Variants in ITIH5 observed in about 807,000 individuals in gnomAD.
ITIH5 encodes the protein inter-alpha-trypsin inhibitor heavy chain 5.
ITIH5 carries 65 observed loss-of-function variants against 77.5 expected under a neutral mutation model. The observed-to-expected ratio is 0.84, with a 90% CI of 0.69 to 1.03. The LOEUF (loss-of-function observed/expected upper bound fraction) is 1.03. ITIH5 is among the 50% of genes least tolerant of loss of function. The pLI, the probability that ITIH5 is intolerant of heterozygous loss-of-function variation, is 0.00. For synonymous variants in ITIH5, 525 were observed against 494.3 expected (o/e 1.06, Z -0.82); for missense variants, 1,208 against 1,213.1 (o/e 1.00, Z 0.06).
At chr10:7,644,545 T>TCAC (rs1249505169) in intron 2 of ITIH5, among the ~76,000 whole-genome samples, 1,934 of 119,136 alleles carry the variant, frequency 0.016, 44 homozygotes, top group South Asian at 0.024. Context: ...ATCACATATA[T>TCAC]ATGATATATC....
rs112449584 is a variant in ITIH5, at chr10:7,629,278, C to T, written c.652+7950G>A. On this transcript the variant is annotated intron_variant, in intron 5 of 13. Transcript: ENST00000397146. ...GTTGTAGCGTGTGTCCATGTTGTAGCGTGTGTCCCTGTTGTAGCGTGTGTC... is the reference window on the plus strand; with the variant it reads ...GTTGTAGCGTGTGTCCATGTTGTAGTGTGTGTCCCTGTTGTAGCGTGTGTC... Among the ~76,000 whole-genome samples, 10 of 102,218 alleles carry T rather than the reference C, an allele frequency of 9.8e-5. No individual in the cohort carries two copies. The East Asian group carries it at 3.1e-3, about 31-fold the overall frequency. 67.1% of individuals were successfully genotyped at this position (102,218 alleles called of 152,430 possible).
Position 7,600,791 on chromosome 10 carries a change from T to C in ITIH5, c.940-14722A>G, listed in dbSNP as rs556393036. Among the ~76,000 whole-genome samples, 37 of 152,258 alleles carry C rather than the reference T, an allele frequency of 2.4e-4. No homozygotes were observed. In the South Asian group the frequency reaches 7.3e-3, roughly 30 times the overall value. On this transcript the variant is annotated intron_variant, in intron 7 of 13. Coordinates refer to ENST00000397146, the MANE Select transcript of ITIH5 (RefSeq NM_030569.7). ...GAAATTAGAGCCCTCATGGTTGGGA[T>C]CAGTGCCCTTATGAAAGACCCCAGT... is the stretch of plus-strand genomic sequence containing the variant.
At position 7,655,372 on chromosome 10, in the gene ITIH5, CT is replaced by C. The variant is rs943531986; in HGVS notation, c.135+258del. On this transcript the variant is annotated intron_variant, in intron 2 of 13. Transcript: ENST00000397146. The stretch of plus-strand genomic sequence containing the variant: ...AAAATAAATAAAAGTTATATTTAGG[CT>C]TTAAAAAAAATAAACCTGCAAAGAC... 1.1e-4 allele frequency among the ~76,000 whole-genome samples: 17 copies of C among 151,896 alleles called. 1 individual carries two copies. Among genetic ancestry groups the C allele is most frequent in the Admixed American group, 5.2e-4 (8 of 15,268 alleles).
chr10:7,626,764 G>A lies in ITIH5; in HGVS notation c.653-9482C>T, dbSNP rs566858314. Reference sequence around the variant, plus strand: ...ACATATCGTTTCTCTGAATTCAAATGAAACTGGGCATCTTATATCTCATCT... The same window carrying A: ...ACATATCGTTTCTCTGAATTCAAATAAAACTGGGCATCTTATATCTCATCT... On this transcript the variant is annotated intron_variant, in intron 5 of 13. Coordinates refer to ENST00000397146, the MANE Select transcript of ITIH5 (RefSeq NM_030569.7). Among the ~76,000 whole-genome samples the A allele has an allele frequency of 5.9e-5, 9 of 152,336 alleles. No homozygotes were observed. In the East Asian group the frequency reaches 1.5e-3, roughly 26 times the overall value.
intron 8 of ITIH5, among the ~76,000 whole-genome samples, chr10:7,583,200 C>T (rs1832603184): frequency 6.6e-6 from 1 of 152,208 alleles, no homozygotes; most frequent in Admixed American, 6.5e-5. Context: ...GCTTAACATC[C>T]TCCAGATTTT....
Position 7,637,334 on chromosome 10 carries a change from G to A in ITIH5, c.546C>T (p.Ser182=), listed in dbSNP as rs762512341. ...HSISVRPQQL[S]GRLSVDVNIL... ...TATTCACGTCCACGCTCAGCCTCCCGGACAGCTGCTGGGGCCGCACGCTGA... is the reference window on the plus strand; with the variant it reads ...TATTCACGTCCACGCTCAGCCTCCCAGACAGCTGCTGGGGCCGCACGCTGA... The change falls in exon 5 of 14, where the codon TCC becomes TCT. Residue 182 remains serine, a synonymous_variant. Coordinates refer to ENST00000397146, the MANE Select transcript of ITIH5 (RefSeq NM_030569.7). 1.5e-5 allele frequency: 25 copies of A among 1,613,964 alleles called. No homozygotes were observed. Among genetic ancestry groups the A allele is most frequent in the East Asian group, 1.3e-4 (6 of 44,890 alleles).
Position 7,640,799 on chromosome 10 carries a change from C to G in ITIH5, c.356G>C (p.Gly119Ala). The change falls in exon 4 of 14, where the codon GGT (glycine) becomes GCT (alanine). Residue 119 changes from glycine to alanine, a missense_variant. Transcript: ENST00000397146. ...GEITEREKKS[G>A]DRVKEKRNKT... ...ATTCCTTTTCTCTTTTACCCTATCA[C>G]CACTCTTCTTTTCTCTCTCTGTAAT... The G allele has an allele frequency of 6.2e-7, 1 of 1,613,336 alleles. No individual in the cohort carries two copies. Among genetic ancestry groups the G allele is most frequent in the Non-Finnish European group, 8.5e-7 (1 of 1,179,300 alleles).
At chr10:7,575,161 C>T (rs749525967) in intron 10 of ITIH5, among the ~76,000 whole-genome samples, 2 of 152,196 alleles carry the variant, frequency 1.3e-5, no homozygotes, top group Admixed American at 6.5e-5. Flanking sequence ...CCACGGAAGG[C>T]GTGTCTGACA....
At chr10:7,628,699 C>CAGCGTGTGTCCATGTTGT (rs1319236530) in intron 5 of ITIH5, among the ~76,000 whole-genome samples, 1 of 101,810 alleles carries the variant, frequency 9.8e-6, no homozygotes, top group African/African-American at 3.9e-5. Flanking sequence ...GTCCATGTTG[C>CAGCGTGTGTCCATGTTGT]AGCGTGTGTC....
intron 1 of ITIH5, among the ~76,000 whole-genome samples, chr10:7,656,363 A>C (rs956217855): frequency 6.6e-6 from 1 of 152,086 alleles, no homozygotes; most frequent in African/African-American, 2.4e-5. Context: ...TACAGGCATG[A>C]GCCGCCAGAT....
chr10:7,593,921 G>A (rs1346683648), intron 7 of ITIH5, among the ~76,000 whole-genome samples: 1 of 152,238 alleles, frequency 6.6e-6, no homozygotes, highest in African/African-American at 2.4e-5. Context: ...ACCTCCAATG[G>A]GCTGAGCAGC....
chr10:7,642,190 G>A, intron 2 of ITIH5, 100 bp from the exon 3 acceptor site: 1 of 931,818 alleles, frequency 1.1e-6, no homozygotes, highest in South Asian at 1.9e-5. Flanking sequence ...ATAATCTTCA[G>A]TTTGGGAGCC....
chr10:7,602,998 A>T (rs1027802575), intron 7 of ITIH5, among the ~76,000 whole-genome samples: 2 of 152,208 alleles, frequency 1.3e-5, no homozygotes, highest in East Asian at 3.9e-4. Flanking sequence ...GTGGCCCACA[A>T]ATTACATTCC....
chr10:7,586,321 C>T (rs1026792394), intron 7 of ITIH5, among the ~76,000 whole-genome samples: 2 of 152,114 alleles, frequency 1.3e-5, no homozygotes, highest in African/African-American at 4.8e-5. Context: ...TTCGGGCCTC[C>T]GCATCTCCAC....
In ITIH5 at chr10:7,561,881, TG is replaced by T. The variant is rs751598956; in HGVS notation, c.*1201del. ...TCCCCGACCACAGTCTTTCTTTCTC[TG>T]CTGTTTCGCCCAAGCGCTCCCGGTA... On this transcript the variant is annotated 3_prime_UTR_variant, in exon 14 of 14. Coordinates refer to ENST00000397146, the MANE Select transcript of ITIH5 (RefSeq NM_030569.7). 2 of 152,276 alleles carry T rather than the reference TG, an allele frequency of 1.3e-5. No homozygotes were observed. Among genetic ancestry groups the T allele is most frequent in the Non-Finnish European group, 2.9e-5 (2 of 68,116 alleles). 9.4% of individuals were successfully genotyped at this position (152,276 alleles called of 1,614,324 possible). A position where few individuals can be genotyped will look rare whatever the true frequency, so the allele number is the denominator to read the frequency against.
At chr10:7,572,279 G>A (rs753592458) in intron 11 of ITIH5, 1 of 1,360,364 alleles carries the variant, frequency 7.4e-7, no homozygotes, top group African/African-American at 1.5e-5. Flanking sequence ...GGACACAGCA[G>A]AACAAAACCC....
intron 5 of ITIH5, 100 bp from the exon 6 acceptor site, chr10:7,617,382 T>C: frequency 2.7e-6 from 2 of 748,588 alleles, no homozygotes; most frequent in South Asian, 6.0e-5. Context: ...TTTCATTTTA[T>C]TACAGGCTTG....
intron 2 of ITIH5, among the ~76,000 whole-genome samples, chr10:7,649,905 G>C (rs763797028): frequency 2.0e-5 from 3 of 152,116 alleles, no homozygotes; most frequent in Non-Finnish European, 4.4e-5. Context: ...CCCAGTGCAC[G>C]GTTCTTAAAA....
intron 5 of ITIH5, among the ~76,000 whole-genome samples, chr10:7,627,108 A>G (rs1173150161): frequency 6.7e-6 from 1 of 149,864 alleles, no homozygotes; most frequent in Non-Finnish European, 1.5e-5. Context: ...CTCACAGAGC[A>G]AAGAAAAACA....
Sources: gnomAD v4.1 joint callset for allele counts (sites outside exome capture counted in the v4.1 genomes callset) on GRCh38, gnomAD v4.1.1 for gene constraint, MANE v1.5 for transcripts, NCBI Gene and HGNC (gene_info 2026-07-23, HGNC 2026-07-21) for gene names.